Variants in RBM26 observed in about 807,000 individuals in gnomAD.
The protein encoded by RBM26 is RNA binding motif protein 26, also known as RNA-binding protein 26.
Under a neutral mutation model 123.6 loss-of-function variants are expected in RBM26, and 30 were observed. That is an observed-to-expected ratio of 0.24 (90% CI 0.18 to 0.33). The LOEUF is 0.33. Ranked by LOEUF, RBM26 falls within the 10% of genes least tolerant of loss-of-function variation. The pLI is 1.00. For missense variants in RBM26, 947 were observed against 1,203.6 expected (o/e 0.79, Z 3.15); for synonymous variants, 400 against 404.4 (o/e 0.99, Z 0.13).
chr13:79,331,635 CA>C (rs774555503), intron 20 of RBM26, among the ~76,000 whole-genome samples: 3,193 of 124,010 alleles, frequency 0.026, 76 homozygotes, highest in African/African-American at 0.08. Flanking sequence ...GACTCCGCCT[CA>C]AAAAAAAAAA....
chr13:79,375,051 A>G (rs2076515546), intron 3 of RBM26, among the ~76,000 whole-genome samples: 1 of 40,790 alleles, frequency 2.5e-5, no homozygotes, highest in African/African-American at 8.0e-5. Flanking sequence ...TATATACTAT[A>G]TATTTATATT....
chr13:79,370,873 A>G, intron 5 of RBM26, 72 bp downstream of exon 5: 4 of 1,475,958 alleles, frequency 2.7e-6, no homozygotes, highest in Non-Finnish European at 3.7e-6. Flanking sequence ...CACTGACAAA[A>G]TGTTAAGCAA....
At chr13:79,388,780 T>A (rs910529393) in intron 1 of RBM26, among the ~76,000 whole-genome samples, 1 of 152,092 alleles carries the variant, frequency 6.6e-6, no homozygotes, top group Non-Finnish European at 1.5e-5. Context: ...CTATAAAAAA[T>A]TAAACTTTTT....
At chr13:79,375,102 A>AT (rs2076555960) in intron 3 of RBM26, among the ~76,000 whole-genome samples, 1 of 125,296 alleles carries the variant, frequency 8.0e-6, no homozygotes, top group East Asian at 2.2e-4. Context: ...ATATTTATAT[A>AT]TATCATATAA....
chr13:79,355,208 T>C lies in RBM26; in HGVS notation c.1854+12A>G, dbSNP rs1265777070. 3.7e-6 allele frequency: 6 copies of C among 1,611,664 alleles called. No homozygotes were observed. Among genetic ancestry groups the C allele is most frequent in the African/African-American group, 1.3e-5 (1 of 74,834 alleles). ...AGAAATGCGCGTACTTTTACACAAA[T>C]TCCTCTCTTACCTTTGGAGAAGTAG... On this transcript the variant is annotated intron_variant, in intron 12 of 21. Coordinates refer to ENST00000438737, the MANE Select transcript of RBM26 (RefSeq NM_001366735.2).
chr13:79,378,600 C>T (rs1012571494), intron 2 of RBM26, among the ~76,000 whole-genome samples, 189 bp downstream of exon 2: 17 of 152,038 alleles, frequency 1.1e-4, no homozygotes, highest in Non-Finnish European at 1.9e-4. Context: ...CCATCATGCC[C>T]GGCTAATTTT....
At position 79,344,759 on chromosome 13, in the gene RBM26, C is replaced by T. The variant is rs201362255; in HGVS notation, c.2094G>A (p.Val698=). 5 of 1,612,986 alleles carry T rather than the reference C, an allele frequency of 3.1e-6. No homozygotes were observed. The highest frequency in any genetic ancestry group is 4.5e-5 in the East Asian group (2 of 44,798). ...LSTSTGLTKT[V]YNPAALKAAQ... is the part of the protein sequence containing the mutation. ...CAGCCTTCAAAGCAGCTGGATTATACACTGTTTTTGTTAGGCCAGTAGATG... is the reference window on the plus strand; with the variant it reads ...CAGCCTTCAAAGCAGCTGGATTATATACTGTTTTTGTTAGGCCAGTAGATG... The change falls in exon 15 of 22, where the codon GTG becomes GTA. Residue 698 remains valine, a synonymous_variant. Transcript: ENST00000438737.
chr13:79,322,776 A>G (rs1350255660), intron 20 of RBM26, among the ~76,000 whole-genome samples: 1 of 151,530 alleles, frequency 6.6e-6, no homozygotes, highest in Admixed American at 6.6e-5. Context: ...ATATGTCTAC[A>G]TGTTTATAAC....
At chr13:79,361,010 C>T (rs1408952883) in intron 9 of RBM26, among the ~76,000 whole-genome samples, 1 of 152,104 alleles carries the variant, frequency 6.6e-6, no homozygotes, top group East Asian at 1.9e-4. Context: ...TCTCTCATGG[C>T]CACAGCTATG....
At chr13:79,392,782 C>T (rs1389030636) in intron 1 of RBM26, among the ~76,000 whole-genome samples, 1 of 133,614 alleles carries the variant, frequency 7.5e-6, no homozygotes, top group African/African-American at 2.9e-5. Flanking sequence ...ACCCAACAAG[C>T]TTGAGAAGAC....
intron 1 of RBM26, among the ~76,000 whole-genome samples, chr13:79,381,307 G>C (rs1193311995): frequency 6.6e-6 from 1 of 151,934 alleles, no homozygotes; most frequent in Non-Finnish European, 1.5e-5. Flanking sequence ...CCAGAAACCT[G>C]ACTTCCAATT....
intron 20 of RBM26, among the ~76,000 whole-genome samples, chr13:79,328,424 A>G (rs12858185): frequency 2.0e-5 from 3 of 151,846 alleles, no homozygotes; most frequent in African/African-American, 7.2e-5. Context: ...CACTCCTTAG[A>G]CCAAATAAGT....
intron 20 of RBM26, among the ~76,000 whole-genome samples, chr13:79,328,742 C>T (rs928711654): frequency 1.8e-5 from 2 of 110,076 alleles, no homozygotes; most frequent in African/African-American, 3.5e-5. Flanking sequence ...GGGCAAATGA[C>T]ATTAACAGTT....
At chr13:79,398,248 T>C (rs1211686348) in intron 1 of RBM26, among the ~76,000 whole-genome samples, 1 of 152,226 alleles carries the variant, frequency 6.6e-6, no homozygotes, top group Non-Finnish European at 1.5e-5. Flanking sequence ...AAGCTTCAGT[T>C]AGTCATTCTC....
intron 1 of RBM26, among the ~76,000 whole-genome samples, chr13:79,379,559 T>G (rs2076916208): frequency 6.7e-6 from 1 of 148,200 alleles, no homozygotes; most frequent in Non-Finnish European, 1.5e-5. Context: ...AAAAAGAAAA[T>G]GTATTGAGAC....
intron 19 of RBM26, 83 bp from the exon 20 acceptor site, chr13:79,334,513 A>C (rs2069968653): frequency 3.0e-6 from 2 of 659,692 alleles, no homozygotes; most frequent in Non-Finnish European, 5.1e-6. Context: ...AAACATTAAA[A>C]TACTAATAAA....
At chr13:79,312,087 C>CA (rs989290998) in exon 5 of RBM26, 1 of 152,004 alleles carries the variant, frequency 6.6e-6, no homozygotes, top group African/African-American at 2.4e-5. Context: ...TCGCTCCACT[C>CA]AAAGAGCAGG....
chr13:79,344,944 A>T (rs1288316745), intron 14 of RBM26, 150 bp from the exon 15 acceptor site: 1 of 675,710 alleles, frequency 1.5e-6, no homozygotes, highest in Non-Finnish European at 2.3e-6. Context: ...TAACGAAATC[A>T]TATTTGGTGA....
chr13:79,372,360 A>C (rs1394042002), intron 3 of RBM26, among the ~76,000 whole-genome samples: 1 of 152,176 alleles, frequency 6.6e-6, no homozygotes, highest in South Asian at 2.1e-4. Flanking sequence ...TTTAATTAAC[A>C]TTAAATAAAA....
Sources: gnomAD v4.1 joint callset for allele counts (sites outside exome capture counted in the v4.1 genomes callset) on GRCh38, gnomAD v4.1.1 for gene constraint, MANE v1.5 for transcripts, NCBI Gene and HGNC (gene_info 2026-07-23, HGNC 2026-07-21) for gene names.